The following MICAL3 variants were observed in gnomAD, a reference collection of about 807,000 sequenced individuals.
MICAL3 encodes [F-actin]-monooxygenase MICAL3.
In MICAL3, 62 loss-of-function variants were observed where a neutral mutation model predicts 207.4. The observed-to-expected ratio is 0.30, with a 90% CI of 0.24 to 0.37. The LOEUF is 0.37. MICAL3 is among the 10% of genes least tolerant of loss of function. The probability of loss-of-function intolerance (pLI) is 1.00; values close to 1 mark genes in which losing one functional copy is unlikely to be tolerated. For missense variants in MICAL3, 2,368 were observed against 2,635.6 expected (o/e 0.90, Z 2.22); for synonymous variants, 1,077 against 1,069.3 (o/e 1.01, Z -0.14).
chr22:17,989,442 A>C (rs1366481707), intron 1 of MICAL3, among the ~76,000 whole-genome samples: 3 of 151,910 alleles, frequency 2.0e-5, no homozygotes. Context: ...CAAGGAATAC[A>C]TCTTATTTAT....
intron 1 of MICAL3, among the ~76,000 whole-genome samples, chr22:17,997,033 T>C (rs1922360029): frequency 6.9e-6 from 1 of 144,826 alleles, no homozygotes; most frequent in Admixed American, 6.9e-5. Context: ...TCTCTGTCCC[T>C]CATCTCCCCA....
chr22:17,797,527 G>A (rs2061889301), intron 29 of MICAL3, among the ~76,000 whole-genome samples: 1 of 152,074 alleles, frequency 6.6e-6, no homozygotes, highest in Non-Finnish European at 1.5e-5. Flanking sequence ...GCCCAGAGGG[G>A]CCAAGACAAA....
At chr22:17,884,590 T>C (rs1235098383) in intron 16 of MICAL3, among the ~76,000 whole-genome samples, 1 of 152,172 alleles carries the variant, frequency 6.6e-6, no homozygotes, top group Non-Finnish European at 1.5e-5. Flanking sequence ...AAACAGAAGC[T>C]GTAATACGCA....
chr22:17,836,004 G>A (rs937384116), intron 20 of MICAL3, among the ~76,000 whole-genome samples: 2 of 152,214 alleles, frequency 1.3e-5, no homozygotes, highest in African/African-American at 2.4e-5. Flanking sequence ...AGAAGGTGCT[G>A]GCTATTCCAG....
chr22:17,801,162 T>TCCCCC (rs1230218029), intron 29 of MICAL3, among the ~76,000 whole-genome samples: 1 of 100,246 alleles, frequency 1.0e-5, no homozygotes, highest in African/African-American at 5.9e-5. Context: ...TTTTTTTTTT[T>TCCCCC]TTTTTTTTGA....
At chr22:17,942,091 C>T (rs953579421) in intron 1 of MICAL3, among the ~76,000 whole-genome samples, 1 of 152,208 alleles carries the variant, frequency 6.6e-6, no homozygotes, top group Non-Finnish European at 1.5e-5. Flanking sequence ...AATCTCGGAG[C>T]GTGTCTGTTT....
chr22:17,808,266 T>C (rs577978540), intron 29 of MICAL3, among the ~76,000 whole-genome samples: 2 of 152,348 alleles, frequency 1.3e-5, no homozygotes, highest in South Asian at 2.1e-4. Context: ...CTGCTCCACG[T>C]CGGCTGGTCA....
chr22:17,964,481 C>A (rs1935058583), intron 1 of MICAL3, among the ~76,000 whole-genome samples: 1 of 152,234 alleles, frequency 6.6e-6, no homozygotes, highest in Admixed American at 6.5e-5. Flanking sequence ...ACACAGCACA[C>A]GTCCACATGT....
At chr22:17,954,912 C>T (rs137947185) in intron 1 of MICAL3, among the ~76,000 whole-genome samples, 2,045 of 152,102 alleles carry the variant, frequency 0.013, 41 homozygotes, top group African/African-American at 0.046. Context: ...TTAGTAGAGA[C>T]GCTGTTTCAC....
chr22:17,820,942 G>A (rs9604793), intron 25 of MICAL3, among the ~76,000 whole-genome samples: 11,168 of 110,380 alleles, frequency 0.1, 1,609 homozygotes, highest in African/African-American at 0.31. Flanking sequence ...ATAAATTTAT[G>A]TTTATAAACA....
At chr22:17,937,758 T>C (rs1933609407) in intron 1 of MICAL3, among the ~76,000 whole-genome samples, 1 of 152,198 alleles carries the variant, frequency 6.6e-6, no homozygotes, top group South Asian at 2.1e-4. Context: ...TCATGACACC[T>C]GGAAAGTTTA....
chr22:17,887,040 AAG>A, intron 15 of MICAL3, 128 bp downstream of exon 15: 1 of 495,280 alleles, frequency 2.0e-6, no homozygotes, highest in Non-Finnish European at 3.5e-6. Flanking sequence ...AGAAAAGAAA[AAG>A]CCCAACAGAA....
At chr22:17,856,843 G>A (rs1187106863) in intron 19 of MICAL3, among the ~76,000 whole-genome samples, 6 of 151,824 alleles carry the variant, frequency 4.0e-5, no homozygotes, top group African/African-American at 9.7e-5. Context: ...GGATGGTCTC[G>A]ATCTCCTGAA....
chr22:17,875,863 AG>A (rs1286933142), intron 16 of MICAL3, among the ~76,000 whole-genome samples: 1 of 152,134 alleles, frequency 6.6e-6, no homozygotes, highest in Non-Finnish European at 1.5e-5. Flanking sequence ...GGCAGCCTGC[AG>A]GAAGGGCAGG....
chr22:17,849,687 T>TGTG (rs1925072458), intron 19 of MICAL3, among the ~76,000 whole-genome samples: 4 of 101,442 alleles, frequency 3.9e-5, no homozygotes, highest in Admixed American at 1.0e-4. Flanking sequence ...TGTGTGTGTG[T>TGTG]ATTTTTTTTT....
At chr22:17,917,534 C>T (rs563260801) in intron 1 of MICAL3, among the ~76,000 whole-genome samples, 1 of 152,298 alleles carries the variant, frequency 6.6e-6, no homozygotes, top group Non-Finnish European at 1.5e-5. Flanking sequence ...ATTGCATGAG[C>T]CTCCCCTACT....
Position 17,817,736 on chromosome 22 carries a change from C to A in MICAL3, c.4925G>T (p.Gly1642Val), listed in dbSNP as rs963856119. The A allele has an allele frequency of 6.3e-7, 1 of 1,590,430 alleles. No homozygotes were observed. Among genetic ancestry groups the A allele is most frequent in the Non-Finnish European group, 8.6e-7 (1 of 1,169,358 alleles). Residue 1642 changes from glycine to valine, a missense_variant, in exon 26 of 32, where the codon GGC becomes GTC. By Grantham distance (109) the Gly-to-Val change is moderately radical (BLOSUM62 -3). Around this residue, in one of 4 missense-constraint regions of MICAL3, gnomAD observed 1,770 missense variants for 1,863.2 expected, o/e 0.95. Coordinates refer to ENST00000441493, the MANE Select transcript of MICAL3 (RefSeq NM_015241.3). ...PRKASSAPSQ[G>V]KERRPDSPTR... The stretch of plus-strand genomic sequence containing the variant: ...GGGGGAGTCAGGCCGGCGCTCCTTG[C>A]CCTGGGAGGGTGCTGAGGACGCCTT...
At chr22:17,956,498 C>T (rs1428323913) in intron 1 of MICAL3, among the ~76,000 whole-genome samples, 8 of 152,152 alleles carry the variant, frequency 5.3e-5, no homozygotes, top group Admixed American at 6.5e-5. Context: ...GGAGAAACCC[C>T]GTCTCTACTA....
At chr22:17,806,968 G>A (rs1180583258) in intron 29 of MICAL3, among the ~76,000 whole-genome samples, 2 of 152,322 alleles carry the variant, frequency 1.3e-5, no homozygotes, top group East Asian at 1.9e-4. Context: ...CAGACTTCAC[G>A]GAGGCCACAG....
Sources: allele counts gnomAD v4.1 joint callset (sites outside exome capture counted in the v4.1 genomes callset), GRCh38; gene constraint gnomAD v4.1.1; regional missense constraint gnomAD v4.1.1; transcripts MANE v1.5; gene names NCBI Gene and HGNC (gene_info 2026-07-23, HGNC 2026-07-21).